Variants in TRAK1 observed in about 807,000 individuals in gnomAD.
TRAK1 encodes the protein trafficking kinesin-binding protein 1.
A neutral mutation model predicts 92.1 loss-of-function variants in TRAK1; 33 were observed. That is an observed-to-expected ratio of 0.36 (90% CI 0.27 to 0.48). The LOEUF (loss-of-function observed/expected upper bound fraction) is 0.48. Among genes scored for constraint, TRAK1 ranks in the 20% least tolerant of loss-of-function variants. The pLI, the probability that TRAK1 is intolerant of heterozygous loss-of-function variation, is 0.99. For synonymous variants in TRAK1, 521 were observed against 517.3 expected, an observed-to-expected ratio of 1.01 and a Z score of -0.10; for missense variants, 1,123 against 1,257.9, an observed-to-expected ratio of 0.89 and a Z score of 1.62.
At chr3:42,096,341 C>T (rs568991219) in intron 1 of TRAK1, among the ~76,000 whole-genome samples, 116 of 152,254 alleles carry the variant, frequency 7.6e-4, no homozygotes, top group African/African-American at 2.7e-3. Flanking sequence ...CAACCTCTGC[C>T]TCCCGGGTTC....
At chr3:42,218,488 G>A (rs1709966426) in intron 14 of TRAK1, 1 of 984,802 alleles carries the variant, frequency 1.0e-6, no homozygotes. Context: ...ACTTCATCGT[G>A]CATGCTATTT....
intron 1 of TRAK1, among the ~76,000 whole-genome samples, chr3:42,026,877 C>T (rs1319710487): frequency 6.6e-6 from 1 of 152,080 alleles, no homozygotes; most frequent in Non-Finnish European, 1.5e-5. Flanking sequence ...CTTCTCCCCT[C>T]ATATTTATAG....
At chr3:42,030,056 G>A (rs1255057451) in intron 1 of TRAK1, among the ~76,000 whole-genome samples, 3 of 143,384 alleles carry the variant, frequency 2.1e-5, no homozygotes, top group African/African-American at 7.8e-5. Flanking sequence ...GAGAAGAGGC[G>A]AGGGTGATGC....
rs1025593705 is a variant in TRAK1 at position 42,202,314 on chromosome 3, T to G, written c.1428-122T>G. ...GTTGCCTAAATGTCAACTGCTTGCC[T>G]TGGTTCCCATGGAGAATCCTGTAGC... On this transcript the variant is annotated intron_variant, in intron 12 of 15. Transcript: ENST00000327628. This position sits in a 1 kb window ranked among gnomAD's most constrained non-coding sequence, Gnocchi z 6.1. The G allele has an allele frequency of 4.5e-6, 5 of 1,111,480 alleles. No homozygotes were observed. In the Admixed American group the frequency reaches 1.1e-4, roughly 24 times the overall value. 68.9% of individuals were successfully genotyped at this position (1,111,480 alleles called of 1,614,324 possible). A position where few individuals can be genotyped will look rare whatever the true frequency, so the allele number is the denominator to read the frequency against.
At chr3:42,090,325 C>T (rs950189399), upstream of TRAK1, among the ~76,000 whole-genome samples, 1 of 152,212 alleles carries the variant, frequency 6.6e-6, no homozygotes, top group Non-Finnish European at 1.5e-5. Flanking sequence ...AAGCATCCAG[C>T]CTGTTAAAGT....
At chr3:42,220,518 G>A (rs1710240339) in intron 15 of TRAK1, 5 of 985,442 alleles carry the variant, frequency 5.1e-6, no homozygotes, top group Non-Finnish European at 6.0e-6. Flanking sequence ...GGAGGACGAC[G>A]AAGCAGCCAT....
chr3:42,110,098 A>G (rs1387324179), intron 1 of TRAK1, among the ~76,000 whole-genome samples: 3,277 of 56,588 alleles, frequency 0.058, 124 homozygotes, highest in South Asian at 0.093. Context: ...CTTAAAGTAT[A>G]TATATATATA....
At chr3:42,080,061 G>GT (rs1704359857) in intron 1 of TRAK1, among the ~76,000 whole-genome samples, 1 of 152,154 alleles carries the variant, frequency 6.6e-6, no homozygotes, top group Non-Finnish European at 1.5e-5. Context: ...CAGATGAGGG[G>GT]TCTGAGGCCC....
At chr3:42,203,805 T>C in intron 13 of TRAK1, 1 of 873,628 alleles carries the variant, frequency 1.1e-6, no homozygotes, top group Non-Finnish European at 1.4e-6. Context: ...ATATTGTTTA[T>C]GTACTATATG....
chr3:42,187,166 G>A (rs1705006363), intron 4 of TRAK1, among the ~76,000 whole-genome samples: 1 of 152,192 alleles, frequency 6.6e-6, no homozygotes, highest in Non-Finnish European at 1.5e-5. Flanking sequence ...TTCCTATCTA[G>A]TAAGCATTGA....
intron 1 of TRAK1, among the ~76,000 whole-genome samples, chr3:42,024,374 G>T (rs1307824994): frequency 1.3e-5 from 2 of 152,144 alleles, no homozygotes; most frequent in African/African-American, 4.8e-5. Context: ...TGTATCATTT[G>T]GTTCTTTGTT....
intron 2 of TRAK1, among the ~76,000 whole-genome samples, chr3:42,176,020 T>A (rs1008358915): frequency 1.8e-4 from 27 of 152,222 alleles, no homozygotes; most frequent in African/African-American, 6.3e-4. Flanking sequence ...TCCTTGTCAC[T>A]GATTTAAAAT....
rs1179049051 is a variant in TRAK1 at position 42,224,207 on chromosome 3, G to T, written c.*470G>T. The stretch of plus-strand genomic sequence containing the variant: ...CTCACCTCGCCCACCCTGTAGGAGC[G>T]TAAGGAGCCTCCATCCTCAGCCACG... On this transcript the variant is annotated 3_prime_UTR_variant, in exon 16 of 16. Coordinates refer to ENST00000327628, the MANE Select transcript of TRAK1 (RefSeq NM_001042646.3). 1 of 394,998 alleles carries T rather than the reference G, an allele frequency of 2.5e-6. No homozygotes were observed. The highest frequency in any genetic ancestry group is 3.6e-5 in the Admixed American group (1 of 27,920). 24.5% of individuals were successfully genotyped at this position (394,998 alleles called of 1,614,324 possible). A position where few individuals can be genotyped will look rare whatever the true frequency, so the allele number is the denominator to read the frequency against.
chr3:42,086,893 A>G (rs1437253594), upstream of TRAK1, among the ~76,000 whole-genome samples: 2 of 152,150 alleles, frequency 1.3e-5, no homozygotes, highest in African/African-American at 2.4e-5. Context: ...TGTGCTCCAC[A>G]TTTTGGTCAA....
chr3:42,016,468 G>A (rs1477176369), intron 1 of TRAK1, among the ~76,000 whole-genome samples: 1 of 152,206 alleles, frequency 6.6e-6, no homozygotes, highest in Non-Finnish European at 1.5e-5. Context: ...ACCTCCCAAA[G>A]TGCTGGGATT....
At chr3:42,194,228 C>T (rs527346553) in intron 9 of TRAK1, among the ~76,000 whole-genome samples, 2 of 152,094 alleles carry the variant, frequency 1.3e-5, no homozygotes, top group African/African-American at 4.8e-5. Context: ...ATGGGTGTGA[C>T]GATTTTCTTT....
intron 1 of TRAK1, among the ~76,000 whole-genome samples, chr3:42,066,307 T>C (rs1703673098): frequency 2.0e-5 from 3 of 152,022 alleles, no homozygotes; most frequent in Non-Finnish European, 4.4e-5. Context: ...GCCTAGGCAA[T>C]AGAGTGAGAC....
intron 2 of TRAK1, among the ~76,000 whole-genome samples, chr3:42,168,253 C>T (rs1702115536): frequency 6.6e-6 from 1 of 152,162 alleles, no homozygotes; most frequent in African/African-American, 2.4e-5. Flanking sequence ...CATTTCTAAA[C>T]AATTTTGCTA....
Position 42,125,518 on chromosome 3 carries a change from T to G in TRAK1, c.190T>G (p.Tyr64Asp). 1 of 1,614,230 alleles carries G rather than the reference T, an allele frequency of 6.2e-7. No individual in the cohort carries two copies. The highest frequency in any genetic ancestry group is 2.2e-5 in the East Asian group (1 of 44,888). ...GTTAAGAGCCGACACCATCTACGGT[T>G]ATGACCACGACGACTGGCTCCATAC... The part of the protein sequence containing the change: ...YKLRADTIYG[Y>D]DHDDWLHTPL... Residue 64 changes from tyrosine (Y) to aspartate (D), a missense_variant, in exon 2 of 16, where the codon TAT becomes GAT. By Grantham distance (160) the Tyr-to-Asp change is radical. This residue lies in a region of TRAK1 where 686 missense variants were observed against 747.6 expected (regional missense o/e 0.92). Transcript: ENST00000327628.
Sources: gnomAD v4.1 joint callset for allele counts (sites outside exome capture counted in the v4.1 genomes callset) on GRCh38, gnomAD v4.1.1 for gene constraint, gnomAD v4.1.1 regional missense constraint, Gnocchi (gnomAD v3.1) non-coding constraint, MANE v1.5 for transcripts, NCBI Gene and HGNC (gene_info 2026-07-23, HGNC 2026-07-21) for gene names.